MYO1E: variants seen among roughly 807,000 people sequenced by gnomAD.
The protein encoded by MYO1E is unconventional myosin-Ie.
MYO1E carries 68 observed loss-of-function variants against 151.1 expected under a neutral mutation model. The observed-to-expected ratio is 0.45, with a 90% CI of 0.37 to 0.55. MYO1E has a LOEUF of 0.55. Among genes scored for constraint, MYO1E ranks in the 20% least tolerant of loss-of-function variants. The pLI, the probability that MYO1E is intolerant of heterozygous loss-of-function variation, is 0.00. For missense variants in MYO1E, 1,363 were observed against 1,389.3 expected, an observed-to-expected ratio of 0.98 and a Z score of 0.30; for synonymous variants, 601 against 501.7, an observed-to-expected ratio of 1.20 and a Z score of -2.64.
chr15:59,183,177 CAT>C (rs1457371489), intron 18 of MYO1E, among the ~76,000 whole-genome samples: 7 of 151,774 alleles, frequency 4.6e-5, no homozygotes, highest in Admixed American at 1.3e-4. Context: ...AAAAAGAGTG[CAT>C]AGACTTCCTG....
rs748173480 is a variant in MYO1E, at chr15:59,147,596, C to CAAA, written c.3080+5991_3080+5993dup. Among the ~76,000 whole-genome samples, 38 of 66,096 alleles carry CAAA rather than the reference C, an allele frequency of 5.7e-4. 2 individuals are homozygous for CAAA. The highest frequency in any genetic ancestry group is 1.2e-3 in the Admixed American group (5 of 4,080). The allele number at this position is 66,096 out of a possible 152,430, so 43.4% of individuals were successfully genotyped here. A position where few individuals can be genotyped will look rare whatever the true frequency, so the allele number is the denominator to read the frequency against. On this transcript the variant is annotated intron_variant, in intron 26 of 27. Coordinates refer to ENST00000288235, the MANE Select transcript of MYO1E (RefSeq NM_004998.4). Reference sequence around the variant, plus strand: ...TGGGTGACAGAGTGAGACTCTGTCTCAAAAAAAAAAAAAAAAAAACAATAC... The same window carrying CAAA: ...TGGGTGACAGAGTGAGACTCTGTCTCAAAAAAAAAAAAAAAAAAAAAACAATAC...
chr15:59,330,910 C>G (rs1288073639), intron 1 of MYO1E, among the ~76,000 whole-genome samples: 1 of 152,134 alleles, frequency 6.6e-6, no homozygotes, highest in African/African-American at 2.4e-5. Flanking sequence ...GCTGGGACCA[C>G]AGGCATGCAC....
intron 1 of MYO1E, among the ~76,000 whole-genome samples, chr15:59,279,224 A>G (rs1306181668): frequency 6.6e-6 from 1 of 152,150 alleles, no homozygotes; most frequent in Non-Finnish European, 1.5e-5. Context: ...AAGTGTAGAC[A>G]CAGGCTCCAG....
chr15:59,330,458 T>C (rs2080691472), intron 1 of MYO1E, among the ~76,000 whole-genome samples: 1 of 152,210 alleles, frequency 6.6e-6, no homozygotes, highest in Admixed American at 6.5e-5. Context: ...TACGTATAAC[T>C]CAATTACTTG....
At chr15:59,185,175 T>C (rs1169778948) in intron 18 of MYO1E, among the ~76,000 whole-genome samples, 2 of 152,220 alleles carry the variant, frequency 1.3e-5, no homozygotes, top group African/African-American at 4.8e-5. Flanking sequence ...GCTCCTTCTA[T>C]ATTCTGGTTA....
chr15:59,140,580 G>A (rs1031139289), intron 26 of MYO1E, among the ~76,000 whole-genome samples: 2 of 152,240 alleles, frequency 1.3e-5, no homozygotes, highest in Admixed American at 6.5e-5. Context: ...ACAGGAGCAA[G>A]GAGGAAAAGG....
At chr15:59,213,119 C>T (rs1325893436) in intron 12 of MYO1E, among the ~76,000 whole-genome samples, 1 of 144,908 alleles carries the variant, frequency 6.9e-6, no homozygotes, top group Non-Finnish European at 1.5e-5. Context: ...ACAATGGAAA[C>T]TGCACTGAAC....
intron 22 of MYO1E, among the ~76,000 whole-genome samples, chr15:59,170,386 C>A (rs1238230950): frequency 6.6e-6 from 1 of 152,172 alleles, no homozygotes; most frequent in Non-Finnish European, 1.5e-5. Context: ...CTGTGGCCAA[C>A]CTGGCTTAGT....
chr15:59,364,424 C>T (rs1301632476), intron 1 of MYO1E, among the ~76,000 whole-genome samples: 3 of 152,164 alleles, frequency 2.0e-5, no homozygotes, highest in Admixed American at 2.0e-4. Context: ...AGGAACTCTC[C>T]CCTGTACACA....
intron 9 of MYO1E, among the ~76,000 whole-genome samples, chr15:59,220,512 T>TGATGAAAATCTTACC: frequency 6.6e-6 from 1 of 152,198 alleles, no homozygotes; most frequent in Non-Finnish European, 1.5e-5. Context: ...TATTTTGCTT[T>TGATGAAAATCTTACC]AGTAGGCCAG....
At chr15:59,182,528 C>G (rs1321169535) in intron 18 of MYO1E, among the ~76,000 whole-genome samples, 1 of 152,042 alleles carries the variant, frequency 6.6e-6, no homozygotes, top group Non-Finnish European at 1.5e-5. Flanking sequence ...TATTCTCAAA[C>G]CAAGAAAAGT....
intron 10 of MYO1E, among the ~76,000 whole-genome samples, chr15:59,216,666 G>GTGTGTGTGTGTGTGTGTGTGTATGTTTA (rs777094542): frequency 3.2e-5 from 1 of 30,884 alleles, no homozygotes; most frequent in Non-Finnish European, 7.0e-5. Context: ...GTGTGTATGT[G>GTGTGTGTGTGTGTGTGTGTGTATGTTTA]TATATATATA....
chr15:59,302,093 C>A (rs904277308), intron 1 of MYO1E, among the ~76,000 whole-genome samples: 2 of 151,940 alleles, frequency 1.3e-5, no homozygotes, highest in Non-Finnish European at 2.9e-5. Context: ...GGGGTCTGGC[C>A]AATTCTCAGG....
chr15:59,283,451 T>C (rs2080369265), intron 1 of MYO1E, among the ~76,000 whole-genome samples: 2 of 152,116 alleles, frequency 1.3e-5, no homozygotes, highest in African/African-American at 2.4e-5. Flanking sequence ...AGAAGCCTGC[T>C]CTAACAGCAT....
chr15:59,204,011 C>G (rs2079817862), intron 15 of MYO1E, among the ~76,000 whole-genome samples: 2 of 152,294 alleles, frequency 1.3e-5, no homozygotes, highest in Admixed American at 1.3e-4. Flanking sequence ...AATAATAGGC[C>G]ATGTCCGTAT....
chr15:59,234,822 CAAA>C (rs3053017), intron 5 of MYO1E, among the ~76,000 whole-genome samples: 148 of 102,168 alleles, frequency 1.4e-3, no homozygotes, highest in Middle Eastern at 5.1e-3. Flanking sequence ...GACCCCATCT[CAAA>C]AAAAAAAAAA....
chr15:59,235,583 T>C (rs1270449074), intron 5 of MYO1E, among the ~76,000 whole-genome samples: 5 of 152,382 alleles, frequency 3.3e-5, no homozygotes, highest in Non-Finnish European at 7.3e-5. Flanking sequence ...TGCCTAGTGA[T>C]GAACACTTAA....
At chr15:59,292,320 T>C (rs1376474266) in intron 1 of MYO1E, among the ~76,000 whole-genome samples, 1 of 152,272 alleles carries the variant, frequency 6.6e-6, no homozygotes, top group Non-Finnish European at 1.5e-5. Flanking sequence ...CACCTTTTCC[T>C]ACATGTGTTT....
intron 5 of MYO1E, among the ~76,000 whole-genome samples, chr15:59,234,261 G>GATA (rs71425850): frequency 6.8e-6 from 1 of 147,488 alleles, no homozygotes; most frequent in African/African-American, 2.7e-5. Flanking sequence ...TGGATGGATG[G>GATA]GTGCATGGAT....
Sources: allele counts gnomAD v4.1 joint callset (sites outside exome capture counted in the v4.1 genomes callset), GRCh38; gene constraint gnomAD v4.1.1; transcripts MANE v1.5; gene names NCBI Gene and HGNC (gene_info 2026-07-23, HGNC 2026-07-21).